NF2: variants seen among roughly 807,000 people sequenced by gnomAD.
The protein encoded by NF2 is merlin.
In NF2, 8 loss-of-function variants were observed where a neutral mutation model predicts 83.7. The observed-to-expected ratio is 0.10, with a 90% CI of 0.06 to 0.17. The LOEUF is 0.17. Ranked by LOEUF, NF2 falls within the 10% of genes least tolerant of loss-of-function variation. The pLI is 1.00. For missense variants in NF2, 533 were observed against 744.4 expected, an observed-to-expected ratio of 0.72 and a Z score of 3.31; for synonymous variants, 266 against 269.6, an observed-to-expected ratio of 0.99 and a Z score of 0.13.
At chr22:29,652,167 C>G (rs906149038) in intron 4 of NF2, among the ~76,000 whole-genome samples, 6 of 152,130 alleles carry the variant, frequency 3.9e-5, no homozygotes, top group African/African-American at 1.4e-4. Context: ...AGAAGGGGTA[C>G]TTCAGCACCC....
In NF2 at chr22:29,697,018, T is replaced by C. The variant is rs577249709; in HGVS notation, c.*2216T>C. 3 of 185,528 alleles carry C rather than the reference T, an allele frequency of 1.6e-5. No individual in the cohort carries two copies. Among genetic ancestry groups the C allele is most frequent in the African/African-American group, 4.7e-5 (2 of 42,676 alleles). The allele number at this position is 185,528 out of a possible 1,614,324, so 11.5% of individuals were successfully genotyped here. A position where few individuals can be genotyped will look rare whatever the true frequency, so the allele number is the denominator to read the frequency against. On this transcript the variant is annotated 3_prime_UTR_variant, in exon 16 of 16. Transcript: ENST00000338641. The stretch of plus-strand genomic sequence containing the variant: ...TTTTAGTAGAGATGGGGTTTCGCCA[T>C]GTTAGCCAGACTGGTCTCGAACTCC...
intron 15 of NF2, among the ~76,000 whole-genome samples, chr22:29,684,640 C>A (rs1247781297): frequency 1.3e-5 from 2 of 152,116 alleles, no homozygotes; most frequent in Non-Finnish European, 2.9e-5. Flanking sequence ...TTTATTTATT[C>A]ATCCATTTTA....
intron 10 of NF2, among the ~76,000 whole-genome samples, chr22:29,670,579 C>G (rs2857648): frequency 0.35 from 52,494 of 150,190 alleles, 9,223 homozygotes; most frequent in Non-Finnish European, 0.38. Context: ...TCTTAGAAAC[C>G]TTGTATGACC....
chr22:29,667,347 C>T (rs1335052856), intron 9 of NF2, among the ~76,000 whole-genome samples: 6 of 152,084 alleles, frequency 3.9e-5, no homozygotes, highest in Admixed American at 6.6e-5. Context: ...CAGTGATCCT[C>T]CCACCTCACC....
chr22:29,626,702 A>C (rs1019323763), intron 1 of NF2, among the ~76,000 whole-genome samples: 1 of 152,164 alleles, frequency 6.6e-6, no homozygotes, highest in African/African-American at 2.4e-5. Flanking sequence ...TACTAACCAC[A>C]ATTTTTACAT....
chr22:29,650,298 CAG>C (rs1485219006), intron 4 of NF2, among the ~76,000 whole-genome samples: 1 of 152,154 alleles, frequency 6.6e-6, no homozygotes, highest in Non-Finnish European at 1.5e-5. Flanking sequence ...CTTTCAATAA[CAG>C]TGTGTGAGAA....
intron 15 of NF2, among the ~76,000 whole-genome samples, chr22:29,691,027 C>G (rs2067389974): frequency 6.6e-6 from 1 of 152,240 alleles, no homozygotes; most frequent in Non-Finnish European, 1.5e-5. Flanking sequence ...AGGCAGTTGA[C>G]CAGACTTGGC....
chr22:29,687,137 G>A (rs1434431946), intron 15 of NF2, among the ~76,000 whole-genome samples: 2 of 152,222 alleles, frequency 1.3e-5, no homozygotes, highest in East Asian at 1.9e-4. Context: ...GCTGGTCTGA[G>A]TGCCAGCAAA....
At chr22:29,615,288 G>C (rs993122651) in intron 1 of NF2, among the ~76,000 whole-genome samples, 1 of 152,196 alleles carries the variant, frequency 6.6e-6, no homozygotes, top group African/African-American at 2.4e-5. Flanking sequence ...AAGCAAACTA[G>C]TTAGCCAGGC....
chr22:29,613,009 G>A (rs1601533942), intron 1 of NF2, among the ~76,000 whole-genome samples: 1 of 152,102 alleles, frequency 6.6e-6, no homozygotes, highest in South Asian at 2.1e-4. Context: ...GCAGGGAATC[G>A]CTTGAACCTG....
intron 6 of NF2, among the ~76,000 whole-genome samples, chr22:29,656,586 G>A (rs752830192): frequency 1.3e-5 from 2 of 151,398 alleles, no homozygotes; most frequent in Non-Finnish European, 3.0e-5. Flanking sequence ...CTAATTTTTT[G>A]TGTTTTTAGT....
chr22:29,633,355 C>A (rs1372030357), intron 1 of NF2, among the ~76,000 whole-genome samples: 1 of 152,156 alleles, frequency 6.6e-6, no homozygotes, highest in Non-Finnish European at 1.5e-5. Flanking sequence ...CCACCTGGTA[C>A]TCAAGCCAGA....
At chr22:29,604,799 T>A (rs779108411) in intron 1 of NF2, among the ~76,000 whole-genome samples, 11 of 152,234 alleles carry the variant, frequency 7.2e-5, no homozygotes, top group Non-Finnish European at 1.5e-4. Context: ...AGGGTTGGCA[T>A]GCTTTTTCTG....
In NF2 at chr22:29,696,211, C is replaced by G. The variant is rs576229506; in HGVS notation, c.*1409C>G. On this transcript the variant is annotated 3_prime_UTR_variant, in exon 16 of 16. Coordinates refer to ENST00000338641, the MANE Select transcript of NF2 (RefSeq NM_000268.4). ...GCCTCAGCCTCCCAAGTAGCTGGGA[C>G]TACAGGCATGCACCACCACACTTGG... The G allele has an allele frequency of 3.2e-5, 7 of 218,228 alleles. No individual in the cohort carries two copies. The East Asian group carries it at 4.7e-4, about 15-fold the overall frequency. 13.5% of individuals were successfully genotyped at this position (218,228 alleles called of 1,614,324 possible). A position where few individuals can be genotyped will look rare whatever the true frequency, so the allele number is the denominator to read the frequency against.
intron 15 of NF2, among the ~76,000 whole-genome samples, chr22:29,692,779 T>C (rs1427781578): frequency 1.3e-5 from 2 of 152,208 alleles, no homozygotes; most frequent in Non-Finnish European, 2.9e-5. Flanking sequence ...AACGTGATGT[T>C]GCTATTAGCA....
chr22:29,683,141 G>A (rs1340058650), intron 15 of NF2: 2 of 1,613,948 alleles, frequency 1.2e-6, no homozygotes, highest in Non-Finnish European at 1.7e-6. Context: ...GAGCTTGCCT[G>A]TCTCTGTCCT....
At chr22:29,642,406 T>C (rs2065835909) in intron 4 of NF2, 121 bp downstream of exon 4, 2 of 794,714 alleles carry the variant, frequency 2.5e-6, no homozygotes, top group South Asian at 1.5e-5. Flanking sequence ...GAAAGTGAGA[T>C]GTTATGGGAC....
chr22:29,616,068 C>A (rs2065074037), intron 1 of NF2, among the ~76,000 whole-genome samples: 1 of 152,092 alleles, frequency 6.6e-6, no homozygotes, highest in Non-Finnish European at 1.5e-5. Context: ...AAGAAACCAG[C>A]CGCAAAAGAA....
At chr22:29,653,311 G>A (rs1330210905) in intron 4 of NF2, among the ~76,000 whole-genome samples, 1 of 151,914 alleles carries the variant, frequency 6.6e-6, no homozygotes, top group Non-Finnish European at 1.5e-5. Context: ...CGGGGTGGTG[G>A]CGTGCACCTG....
Sources: gnomAD v4.1 joint callset for allele counts (sites outside exome capture counted in the v4.1 genomes callset) on GRCh38, gnomAD v4.1.1 for gene constraint, MANE v1.5 for transcripts, NCBI Gene and HGNC (gene_info 2026-07-23, HGNC 2026-07-21) for gene names.